TUBA1C: variants seen among roughly 807,000 people sequenced by gnomAD.
The protein encoded by TUBA1C is tubulin alpha-1C chain.
A neutral mutation model predicts 34.9 loss-of-function variants in TUBA1C; 16 were observed. That is an observed-to-expected ratio of 0.46 (90% CI 0.31 to 0.70). The LOEUF (loss-of-function observed/expected upper bound fraction) is 0.70. Among genes scored for constraint, TUBA1C ranks in the 30% least tolerant of loss-of-function variants. The probability of loss-of-function intolerance (pLI) is 0.05; values close to 1 mark genes in which losing one functional copy is unlikely to be tolerated. For synonymous variants in TUBA1C, 177 were observed against 215.9 expected, an observed-to-expected ratio of 0.82 and a Z score of 1.58; for missense variants, 329 against 587.3, an observed-to-expected ratio of 0.56 and a Z score of 4.55.
At chr12:49,248,136 G>A (rs57957577) in intron 1 of TUBA1C, among the ~76,000 whole-genome samples, 2,761 of 150,446 alleles carry the variant, frequency 0.018, 87 homozygotes, top group African/African-American at 0.063. Context: ...TTAGCCAGGC[G>A]TGGTGGCACA....
chr12:49,230,128 G>A (rs1029962327), intron 1 of TUBA1C, among the ~76,000 whole-genome samples: 1 of 151,082 alleles, frequency 6.6e-6, no homozygotes, highest in Non-Finnish European at 1.5e-5. Context: ...GCCTTGTGGA[G>A]ATCTTTACCT....
At chr12:49,229,950 G>T (rs1462849210) in intron 1 of TUBA1C, among the ~76,000 whole-genome samples, 3 of 151,962 alleles carry the variant, frequency 2.0e-5, no homozygotes, top group Non-Finnish European at 2.9e-5. Context: ...ACCATACCTG[G>T]CTAATTTTTG....
intron 1 of TUBA1C, 95 bp downstream of exon 1, chr12:49,265,279 C>A: frequency 2.0e-6 from 2 of 1,004,254 alleles, no homozygotes; most frequent in East Asian, 2.8e-5. Context: ...GCGCCCAGGA[C>A]AGCTCCAGAC....
chr12:49,233,044 C>A (rs1942513292), intron 1 of TUBA1C: 1 of 152,162 alleles, frequency 6.6e-6, no homozygotes, highest in South Asian at 2.1e-4. Context: ...GCCGATTTTC[C>A]AAGGGAGAAC....
In TUBA1C at chr12:49,272,618, C is replaced by G; in HGVS notation, c.741C>G (p.Ala247=). ...SITASLRFDG[A]LNVDLTEFQT... ...CTGCTTCCCTGAGATTTGATGGAGC[C>G]CTGAATGTTGACCTGACAGAATTCC... Residue 247 remains alanine (A), a synonymous_variant, in exon 4 of 4, where the codon GCC becomes GCG. Coordinates refer to ENST00000301072, the MANE Select transcript of TUBA1C (RefSeq NM_032704.5). The G allele has an allele frequency of 1.2e-6, 2 of 1,608,648 alleles. No homozygotes were observed. Among genetic ancestry groups the G allele is most frequent in the Non-Finnish European group, 1.7e-6 (2 of 1,178,182 alleles).
At chr12:49,263,230 C>T (rs1355172530), upstream of TUBA1C, among the ~76,000 whole-genome samples, 1 of 151,958 alleles carries the variant, frequency 6.6e-6, no homozygotes, top group Non-Finnish European at 1.5e-5. Flanking sequence ...CCGTGTTAGC[C>T]AGGCTGGTCT....
intron 1 of TUBA1C, among the ~76,000 whole-genome samples, chr12:49,236,186 T>G (rs1186282724): frequency 6.6e-6 from 1 of 152,260 alleles, no homozygotes; most frequent in East Asian, 1.9e-4. Flanking sequence ...GATTTTTCTA[T>G]TTAGAAGACT....
chr12:49,263,054 G>A (rs1942857210), upstream of TUBA1C, among the ~76,000 whole-genome samples: 1 of 132,790 alleles, frequency 7.5e-6, no homozygotes, highest in African/African-American at 2.9e-5. Flanking sequence ...CTGAGACAGA[G>A]TCTCTGTCAC....
chr12:49,231,713 CAGACAGAT>C (rs1422664407), intron 1 of TUBA1C, among the ~76,000 whole-genome samples: 3 of 148,504 alleles, frequency 2.0e-5, no homozygotes, highest in Non-Finnish European at 4.4e-5. Context: ...GACAGACAGA[CAGACAGAT>C]AGATAGATAG....
intron 3 of TUBA1C, 78 bp downstream of exon 3, chr12:49,270,054 T>C: frequency 6.2e-7 from 1 of 1,613,266 alleles, no homozygotes; most frequent in Non-Finnish European, 8.5e-7. Context: ...AATCATTCTT[T>C]GCAACTAAAA....
chr12:49,273,316 T>C lies in TUBA1C; in HGVS notation c.*89T>C, dbSNP rs1565652403. 1 of 1,609,058 alleles carries C rather than the reference T, an allele frequency of 6.2e-7. No individual in the cohort carries two copies. On this transcript the variant is annotated 3_prime_UTR_variant, in exon 4 of 4. Transcript: ENST00000301072. ...CTATTGCCGTAAATTGTTAATAAAA[T>C]TGAAGTTTCCATTTTAAATGTCGAG... is the stretch of plus-strand genomic sequence containing the variant.
intron 1 of TUBA1C, among the ~76,000 whole-genome samples, chr12:49,268,646 A>G (rs867921370): frequency 2.2e-4 from 34 of 152,166 alleles, no homozygotes; most frequent in African/African-American, 6.5e-4. Context: ...CGTTCTTCCT[A>G]TAGATTAGAT....
At chr12:49,232,257 G>A (rs1391490838) in intron 1 of TUBA1C, among the ~76,000 whole-genome samples, 2 of 152,164 alleles carry the variant, frequency 1.3e-5, no homozygotes, top group Admixed American at 6.6e-5. Context: ...TAAATTCCCC[G>A]GAAATAAACC....
intron 1 of TUBA1C, among the ~76,000 whole-genome samples, chr12:49,265,626 CCT>C (rs2137016290): frequency 6.6e-6 from 1 of 152,368 alleles, no homozygotes; most frequent in South Asian, 2.1e-4. Context: ...CCTGGCTCCC[CCT>C]CTCCAGCGCC....
At chr12:49,247,139 CA>C (rs202143595) in intron 1 of TUBA1C, among the ~76,000 whole-genome samples, 194 of 115,254 alleles carry the variant, frequency 1.7e-3, no homozygotes, top group Non-Finnish European at 1.7e-3. Flanking sequence ...GACTCCATCT[CA>C]AAAAAAAAAA....
upstream of TUBA1C, among the ~76,000 whole-genome samples, chr12:49,262,350 G>C (rs1196425375): frequency 1.4e-5 from 2 of 140,614 alleles, no homozygotes; most frequent in African/African-American, 5.3e-5. Context: ...CCAAAAAGTC[G>C]AGGCTGCACC....
chr12:49,227,973 G>T (rs756146741), exon 1 of TUBA1C: 1 of 1,535,700 alleles, frequency 6.5e-7, no homozygotes, highest in South Asian at 1.2e-5. Flanking sequence ...TGGTTCAATG[G>T]GGTGGAGGAG....
rs1334412397 is a variant in TUBA1C at position 49,274,286 on chromosome 12, T to A, written c.*1059T>A. The stretch of plus-strand genomic sequence containing the variant: ...CACCATGCCTGGCTGATTCTTGTAA[T>A]TTTTTTTTTTTTTTTTTTTTTTTTT... On this transcript the variant is annotated 3_prime_UTR_variant, in exon 4 of 4. Transcript: ENST00000301072. The A allele has an allele frequency of 1.8e-5, 1 of 54,112 alleles. No homozygotes were observed. The highest frequency in any genetic ancestry group is 3.1e-5 in the Non-Finnish European group (1 of 31,878). The allele number at this position is 54,112 out of a possible 1,614,324, so 3.4% of individuals were successfully genotyped here. A position where few individuals can be genotyped will look rare whatever the true frequency, so the allele number is the denominator to read the frequency against.
Position 49,242,517 on chromosome 12 carries a change from G to A in TUBA1C, c.213+14351G>A, listed in dbSNP as rs139914495. Among the ~76,000 whole-genome samples the A allele has an allele frequency of 7.0e-3, 1,067 of 152,118 alleles. 2 individuals carry two copies. The highest frequency in any genetic ancestry group is 0.012 in the Non-Finnish European group (789 of 67,990). On this transcript the variant is annotated intron_variant, in intron 1 of 3. Coordinates refer to the TUBA1C transcript ENST00000541364. ...GGGTCTTGCTCTGTCACTCAGGCTGGAGTGCAGTGGCACAATCCTAGCTCA... is the reference window on the plus strand; with the variant it reads ...GGGTCTTGCTCTGTCACTCAGGCTGAAGTGCAGTGGCACAATCCTAGCTCA...
Sources: allele counts gnomAD v4.1 joint callset (sites outside exome capture counted in the v4.1 genomes callset), GRCh38; gene constraint gnomAD v4.1.1; transcripts MANE v1.5; gene names NCBI Gene and HGNC (gene_info 2026-07-23, HGNC 2026-07-21).